Variants in DIAPH3 observed in about 807,000 individuals in gnomAD.
DIAPH3 encodes the protein diaphanous related formin 3, also known as protein diaphanous homolog 3.
In DIAPH3, 117 loss-of-function variants were observed where a neutral mutation model predicts 144.3. The ratio of observed to expected loss-of-function variants is 0.81; its 90% confidence interval spans 0.70 to 0.95. The LOEUF is 0.95. Among genes scored for constraint, DIAPH3 ranks in the 40% least tolerant of loss-of-function variants. DIAPH3 has a pLI of 0.00. For missense variants in DIAPH3, 1,421 were observed against 1,412.7 expected, an observed-to-expected ratio of 1.01 and a Z score of -0.09; for synonymous variants, 519 against 488.9, an observed-to-expected ratio of 1.06 and a Z score of -0.81.
At position 60,008,610 on chromosome 13, in the gene DIAPH3, T is replaced by C; in HGVS notation, c.948A>G (p.Glu316=). The C allele has an allele frequency of 6.2e-7, 1 of 1,613,798 alleles. No homozygotes were observed. Among genetic ancestry groups the C allele is most frequent in the Non-Finnish European group, 8.5e-7 (1 of 1,179,828 alleles). The stretch of plus-strand genomic sequence containing the variant: ...AAAAAAATCTGTCAATTTTTTTTTC[T>C]TCACCAGCTGAAGTTAAAGCTTCTA... ...EVLEALTSAG[E]EKKIDRFFCI... Residue 316 remains glutamate (E), a synonymous_variant, in exon 9 of 28, where the codon GAA becomes GAG. Coordinates refer to ENST00000400324, the MANE Select transcript of DIAPH3 (RefSeq NM_001042517.2).
At chr13:60,067,073 G>A (rs1310749036) in intron 4 of DIAPH3, among the ~76,000 whole-genome samples, 1 of 152,100 alleles carries the variant, frequency 6.6e-6, no homozygotes, top group Admixed American at 6.6e-5. Context: ...GACTCCAGGA[G>A]TTCAAGACCA....
At chr13:60,125,036 C>T (rs1393126893) in intron 2 of DIAPH3, among the ~76,000 whole-genome samples, 3 of 152,118 alleles carry the variant, frequency 2.0e-5, no homozygotes, top group Non-Finnish European at 4.4e-5. Flanking sequence ...CCAGTTTCCC[C>T]ATCTTTAAAG....
At chr13:60,126,427 C>T (rs2058990700) in intron 2 of DIAPH3, among the ~76,000 whole-genome samples, 1 of 152,086 alleles carries the variant, frequency 6.6e-6, no homozygotes, top group Non-Finnish European at 1.5e-5. Flanking sequence ...GAAGTCACAA[C>T]AATCTTATAT....
At position 60,112,064 on chromosome 13, in the gene DIAPH3, G is replaced by A; in HGVS notation, c.336C>T (p.Asn112=). 4 of 1,614,132 alleles carry A rather than the reference G, an allele frequency of 2.5e-6. No homozygotes were observed. The highest frequency in any genetic ancestry group is 3.4e-6 in the Non-Finnish European group (4 of 1,180,024). Reference sequence around the variant, plus strand: ...CATTCTCTGACAGTGGCTTTGGAAAGTTCTCCATCATCTCTAAAGGTGCTG... The same window carrying A: ...CATTCTCTGACAGTGGCTTTGGAAAATTCTCCATCATCTCTAAAGGTGCTG... ...CSAAPLEMME[N]FPKPLSENEL... is the part of the protein sequence containing the mutation. The change falls in exon 3 of 28, where the codon AAC becomes AAT. Residue 112 remains asparagine, a synonymous_variant. Transcript: ENST00000400324.
chr13:59,964,738 A>C (rs2049957494), intron 17 of DIAPH3, among the ~76,000 whole-genome samples: 1 of 152,140 alleles, frequency 6.6e-6, no homozygotes, highest in African/African-American at 2.4e-5. Flanking sequence ...AAGATAAGAT[A>C]TTCTTGACCC....
chr13:59,861,049 G>A (rs1393883385), intron 22 of DIAPH3, among the ~76,000 whole-genome samples: 1 of 152,134 alleles, frequency 6.6e-6, no homozygotes, highest in African/African-American at 2.4e-5. Flanking sequence ...TCTGGTATCA[G>A]GTATGTAATA....
At chr13:59,835,800 G>C (rs578134980) in intron 23 of DIAPH3, among the ~76,000 whole-genome samples, 1 of 151,532 alleles carries the variant, frequency 6.6e-6, no homozygotes, top group South Asian at 2.1e-4. Context: ...CTTCCTAGTC[G>C]CCACAGTTCA....
At chr13:59,931,651 T>C (rs1197866457) in intron 17 of DIAPH3, among the ~76,000 whole-genome samples, 1 of 152,186 alleles carries the variant, frequency 6.6e-6, no homozygotes, top group African/African-American at 2.4e-5. Context: ...TGGACATACA[T>C]GTGGTCACTT....
At chr13:59,833,071 A>T (rs1410538513) in intron 24 of DIAPH3, 36 bp downstream of exon 24, 17 of 1,531,090 alleles carry the variant, frequency 1.1e-5, no homozygotes, top group Non-Finnish European at 1.3e-5. Context: ...TAGTATAAAT[A>T]AAAAAACTTT....
intron 25 of DIAPH3, 96 bp downstream of exon 25, chr13:59,810,692 T>C: frequency 7.5e-7 from 1 of 1,338,358 alleles, no homozygotes; most frequent in Non-Finnish European, 1.0e-6. Flanking sequence ...AGTGGTTGTA[T>C]TTTCCTTTTT....
At chr13:59,839,815 T>G (rs1427344635) in intron 22 of DIAPH3, among the ~76,000 whole-genome samples, 2 of 152,190 alleles carry the variant, frequency 1.3e-5, no homozygotes, top group Non-Finnish European at 2.9e-5. Context: ...AATTTGAACA[T>G]TTTTCAAAAT....
At chr13:59,842,299 C>A (rs749857847) in intron 22 of DIAPH3, among the ~76,000 whole-genome samples, 1 of 152,046 alleles carries the variant, frequency 6.6e-6, no homozygotes, top group African/African-American at 2.4e-5. Flanking sequence ...TCTGCTCAAC[C>A]AATTTTATTA....
intron 27 of DIAPH3, among the ~76,000 whole-genome samples, chr13:59,755,025 T>C (rs1477936707): frequency 1.3e-5 from 2 of 152,184 alleles, no homozygotes; most frequent in East Asian, 3.8e-4. Flanking sequence ...ATAGTAAAGA[T>C]CATTACAGAC....
At chr13:60,031,730 A>ATTTTTT (rs1351705439) in intron 5 of DIAPH3, among the ~76,000 whole-genome samples, 4 of 65,878 alleles carry the variant, frequency 6.1e-5, no homozygotes, top group African/African-American at 2.6e-4. Flanking sequence ...CAGTCATTAA[A>ATTTTTT]TCTTTTTTTT....
At chr13:59,949,265 G>A (rs547116543) in intron 17 of DIAPH3, among the ~76,000 whole-genome samples, 2 of 152,146 alleles carry the variant, frequency 1.3e-5, no homozygotes, top group Admixed American at 6.5e-5. Flanking sequence ...ATTCTGGTTT[G>A]ATCTGGCATG....
At chr13:60,106,193 A>T (rs1478280386) in intron 3 of DIAPH3, among the ~76,000 whole-genome samples, 1 of 152,160 alleles carries the variant, frequency 6.6e-6, no homozygotes, top group Non-Finnish European at 1.5e-5. Context: ...TTTATTATAC[A>T]GTTGTGGTGA....
intron 27 of DIAPH3, among the ~76,000 whole-genome samples, chr13:59,773,851 T>C (rs2038249195): frequency 6.6e-6 from 1 of 152,176 alleles, no homozygotes; most frequent in South Asian, 2.1e-4. Context: ...TCAAATTGTA[T>C]CTTGACATAT....
At chr13:59,670,933 C>T (rs1340188343) in intron 27 of DIAPH3, among the ~76,000 whole-genome samples, 1 of 152,076 alleles carries the variant, frequency 6.6e-6, no homozygotes. Flanking sequence ...TGGGGATAAG[C>T]TATCTACCCG....
At chr13:59,954,814 A>G (rs2049298058) in intron 17 of DIAPH3, among the ~76,000 whole-genome samples, 1 of 152,010 alleles carries the variant, frequency 6.6e-6, no homozygotes, top group African/African-American at 2.4e-5. Flanking sequence ...AAGTAGCTAC[A>G]CACTTTTAAA....
Sources: allele counts gnomAD v4.1 joint callset (sites outside exome capture counted in the v4.1 genomes callset), GRCh38; gene constraint gnomAD v4.1.1; transcripts MANE v1.5; gene names NCBI Gene and HGNC (gene_info 2026-07-23, HGNC 2026-07-21).